The following LY96 variants were observed in gnomAD, a reference collection of about 807,000 sequenced individuals.
LY96 encodes the protein lymphocyte antigen 96.
LY96 carries 18 observed loss-of-function variants against 18.9 expected under a neutral mutation model. The observed-to-expected ratio is 0.95, with a 90% confidence interval of 0.66 to 1.41. The LOEUF is 1.41. LY96 is among the 40% of genes most tolerant of loss of function. The probability of loss-of-function intolerance (pLI) is 0.00; values close to 1 mark genes in which losing one functional copy is unlikely to be tolerated. For missense variants in LY96, 175 were observed against 182.4 expected, an observed-to-expected ratio of 0.96 and a Z score of 0.23; for synonymous variants, 66 against 62.6, an observed-to-expected ratio of 1.06 and a Z score of -0.26.
chr8:74,050,326 G>C, the LY96 span, among the ~76,000 whole-genome samples: 2 of 151,908 alleles, frequency 1.3e-5, no homozygotes, highest in African/African-American at 2.4e-5. Flanking sequence ...CTGGGTAACA[G>C]AGCGAGACTC....
At chr8:74,089,907 C>T in the LY96 span, among the ~76,000 whole-genome samples, 2 of 151,290 alleles carry the variant, frequency 1.3e-5, no homozygotes, top group Non-Finnish European at 2.9e-5. Flanking sequence ...GCAAAGGCCC[C>T]GTGGCTTCCT....
intron 3 of LY96, among the ~76,000 whole-genome samples, chr8:74,019,621 A>G (rs917543019): frequency 2.8e-4 from 43 of 152,198 alleles, no homozygotes; most frequent in African/African-American, 9.9e-4. Flanking sequence ...CAACAAAAAA[A>G]GAGAATTTTA....
chr8:74,068,077 A>ATATATATATATATATATAT, the LY96 span, among the ~76,000 whole-genome samples: 1 of 98,458 alleles, frequency 1.0e-5, no homozygotes, highest in African/African-American at 6.2e-5. Flanking sequence ...AAAAAAAAAA[A>ATATATATATATATATATAT]AAAAAAAAAA....
intron 3 of LY96, among the ~76,000 whole-genome samples, chr8:74,020,442 A>G (rs1816735745): frequency 6.6e-6 from 1 of 152,218 alleles, no homozygotes; most frequent in Non-Finnish European, 1.5e-5. Context: ...ATGGAAGAAC[A>G]TTCCATGCTC....
the LY96 span, among the ~76,000 whole-genome samples, chr8:74,082,718 T>C: frequency 6.6e-6 from 1 of 152,178 alleles, no homozygotes; most frequent in Non-Finnish European, 1.5e-5. Context: ...AGTAAACAGG[T>C]GCACTTGTGT....
chr8:74,027,222 G>T (rs2131286092), intron 4 of LY96, among the ~76,000 whole-genome samples: 1 of 152,044 alleles, frequency 6.6e-6, no homozygotes, highest in East Asian at 1.9e-4. Context: ...TTACAAGTAT[G>T]GGCAGTTGTG....
the LY96 span, among the ~76,000 whole-genome samples, chr8:74,058,040 T>C: frequency 2.0e-5 from 3 of 152,176 alleles, no homozygotes; most frequent in Admixed American, 6.5e-5. Context: ...GGGCAGCTAG[T>C]AGTCCTGTTT....
At chr8:74,080,934 GC>G in the LY96 span, among the ~76,000 whole-genome samples, 1 of 151,922 alleles carries the variant, frequency 6.6e-6, no homozygotes, top group East Asian at 1.9e-4. Flanking sequence ...GATTTCCTAG[GC>G]CCTTTCTTGT....
At chr8:74,085,890 G>A in the LY96 span, among the ~76,000 whole-genome samples, 5 of 152,286 alleles carry the variant, frequency 3.3e-5, no homozygotes, top group Admixed American at 3.3e-4. Flanking sequence ...GTGTGTGTGT[G>A]TGTAGCAAGA....
At chr8:74,039,080 T>C in the LY96 span, among the ~76,000 whole-genome samples, 1 of 152,210 alleles carries the variant, frequency 6.6e-6, no homozygotes, top group Non-Finnish European at 1.5e-5. Flanking sequence ...TTAACTGGGG[T>C]GAGATATCTC....
the LY96 span, among the ~76,000 whole-genome samples, chr8:74,072,928 T>C: frequency 6.6e-6 from 1 of 152,176 alleles, no homozygotes; most frequent in East Asian, 1.9e-4. Context: ...TATATACACA[T>C]ATAAGGATTT....
At chr8:74,017,750 CA>C (rs1459938688) in intron 3 of LY96, among the ~76,000 whole-genome samples, 15 of 152,324 alleles carry the variant, frequency 9.8e-5, no homozygotes, top group African/African-American at 3.1e-4. Context: ...CAATATTCAA[CA>C]TTCTTAAAGA....
At chr8:74,067,067 C>A in the LY96 span, among the ~76,000 whole-genome samples, 1 of 152,174 alleles carries the variant, frequency 6.6e-6, no homozygotes, top group Non-Finnish European at 1.5e-5. Context: ...ACTCATGTAG[C>A]AAGCTGCAGT....
chr8:74,080,717 A>G, the LY96 span, among the ~76,000 whole-genome samples: 148 of 152,302 alleles, frequency 9.7e-4, no homozygotes, highest in Non-Finnish European at 1.7e-3. Context: ...AACGGGGTAG[A>G]ATTGCAAAGG....
intron 3 of LY96, among the ~76,000 whole-genome samples, chr8:74,025,792 G>C (rs1210297905): frequency 6.6e-6 from 1 of 152,176 alleles, no homozygotes; most frequent in Non-Finnish European, 1.5e-5. Context: ...CAGATCGCCT[G>C]AAGTTGGGAG....
the LY96 span, among the ~76,000 whole-genome samples, chr8:74,089,391 T>C: frequency 2.0e-5 from 3 of 152,028 alleles, no homozygotes; most frequent in African/African-American, 7.2e-5. Flanking sequence ...GCATTAAACC[T>C]GGCACAGGGC....
At chr8:74,022,303 G>A (rs115331465) in intron 3 of LY96, among the ~76,000 whole-genome samples, 3,153 of 151,958 alleles carry the variant, frequency 0.021, 120 homozygotes, top group Admixed American at 0.078. Flanking sequence ...GCTACCACCC[G>A]GGAGCCTGAG....
At chr8:74,083,894 C>T in the LY96 span, among the ~76,000 whole-genome samples, 22 of 151,826 alleles carry the variant, frequency 1.4e-4, no homozygotes, top group South Asian at 1.3e-3. Flanking sequence ...ACTATGTTGT[C>T]GAGGCTTGTC....
At chr8:74,064,983 A>G in the LY96 span, among the ~76,000 whole-genome samples, 7,094 of 152,248 alleles carry the variant, frequency 0.047, 415 homozygotes, top group African/African-American at 0.13. Context: ...TAAACCAAAA[A>G]CAAAATTCTA....
Sources: gnomAD v4.1 joint callset for allele counts (sites outside exome capture counted in the v4.1 genomes callset) on GRCh38, gnomAD v4.1.1 for gene constraint, MANE v1.5 for transcripts, NCBI Gene and HGNC (gene_info 2026-07-23, HGNC 2026-07-21) for gene names.